Variants in KIF18A observed in about 807,000 individuals in gnomAD.
KIF18A encodes the protein kinesin family member 18A, also known as kinesin-like protein KIF18A.
KIF18A carries 67 observed loss-of-function variants against 103.3 expected under a neutral mutation model. That is an observed-to-expected ratio of 0.65 (90% CI 0.53 to 0.79). The LOEUF (loss-of-function observed/expected upper bound fraction) is 0.79. KIF18A is among the 30% of genes least tolerant of loss of function. KIF18A has a pLI of 0.00. For missense variants in KIF18A, 1,032 were observed against 1,062.5 expected (o/e 0.97, Z 0.40); for synonymous variants, 367 against 355.5 (o/e 1.03, Z -0.36).
chr11:28,099,140 A>G (rs1194745353), intron 1 of KIF18A, among the ~76,000 whole-genome samples: 1 of 152,186 alleles, frequency 6.6e-6, no homozygotes, highest in Non-Finnish European at 1.5e-5. Context: ...GCACTCAATG[A>G]AATACTATTC....
At chr11:28,064,520 G>T (rs1268270754) in intron 11 of KIF18A, among the ~76,000 whole-genome samples, 1 of 151,980 alleles carries the variant, frequency 6.6e-6, no homozygotes. Context: ...ATTGATGGGT[G>T]CAGCAAACCA....
At chr11:28,045,440 A>G (rs1850619080) in intron 13 of KIF18A, among the ~76,000 whole-genome samples, 1 of 151,882 alleles carries the variant, frequency 6.6e-6, no homozygotes, top group African/African-American at 2.4e-5. Flanking sequence ...TTTCCCTAAA[A>G]TTAGTTTTAA....
chr11:28,068,516 T>C (rs1456853910), intron 11 of KIF18A, among the ~76,000 whole-genome samples: 27 of 151,884 alleles, frequency 1.8e-4, no homozygotes, highest in Non-Finnish European at 1.5e-5. Flanking sequence ...GAGTGTCTTC[T>C]ATCTACAGAT....
At chr11:28,101,532 A>G (rs888997676) in intron 1 of KIF18A, among the ~76,000 whole-genome samples, 3 of 152,128 alleles carry the variant, frequency 2.0e-5, no homozygotes, top group Admixed American at 2.0e-4. Context: ...GTGATAGTGG[A>G]TAAGTTACTT....
intron 15 of KIF18A, among the ~76,000 whole-genome samples, chr11:28,030,332 G>T (rs1278176429): frequency 6.6e-6 from 1 of 151,782 alleles, no homozygotes. Context: ...CCAAAACAGA[G>T]ATATAGACCA....
intron 15 of KIF18A, among the ~76,000 whole-genome samples, chr11:28,028,591 T>C (rs1421651398): frequency 6.6e-6 from 1 of 151,782 alleles, no homozygotes; most frequent in African/African-American, 2.4e-5. Flanking sequence ...GATCTAAAAT[T>C]GACACCCTAA....
At chr11:28,023,898 C>A in intron 15 of KIF18A, 48 bp from the exon 16 acceptor site, 1 of 953,648 alleles carries the variant, frequency 1.0e-6, no homozygotes, top group Non-Finnish European at 1.7e-6. Context: ...TTTTATACCT[C>A]AAAGTTCTAA....
At position 28,020,721 on chromosome 11, in the gene KIF18A, A is replaced by C. The variant is rs1352242342; in HGVS notation, c.*479T>G. The C allele has an allele frequency of 6.6e-6, 1 of 152,170 alleles. No homozygotes were observed. Among genetic ancestry groups the C allele is most frequent in the Non-Finnish European group, 1.5e-5 (1 of 68,014 alleles). The allele number at this position is 152,170 out of a possible 1,614,324, so 9.4% of individuals were successfully genotyped here. On this transcript the variant is annotated 3_prime_UTR_variant, in exon 17 of 17. Coordinates refer to ENST00000263181, the MANE Select transcript of KIF18A (RefSeq NM_031217.4). ...AATGATTTTATGGGCACATATATTT[A>C]CACTTGTACATTAAAGTATTTTTGA...
At chr11:28,077,392 GA>G (rs1590699120) in intron 9 of KIF18A, among the ~76,000 whole-genome samples, 1 of 152,250 alleles carries the variant, frequency 6.6e-6, no homozygotes, top group East Asian at 1.9e-4. Flanking sequence ...CTCACCCAAG[GA>G]AGATCATGTT....
At chr11:28,062,155 C>G (rs1443783867) in intron 12 of KIF18A, among the ~76,000 whole-genome samples, 2 of 152,010 alleles carry the variant, frequency 1.3e-5, no homozygotes, top group Non-Finnish European at 2.9e-5. Flanking sequence ...TTTTGTATTA[C>G]ATAGCATATA....
intron 10 of KIF18A, among the ~76,000 whole-genome samples, chr11:28,076,240 T>C (rs1851089703): frequency 6.6e-6 from 1 of 152,138 alleles, no homozygotes; most frequent in African/African-American, 2.4e-5. Context: ...AAATGTTTGG[T>C]CTGCTTTTCA....
At chr11:28,051,408 C>T (rs1850710148) in intron 13 of KIF18A, among the ~76,000 whole-genome samples, 1 of 151,820 alleles carries the variant, frequency 6.6e-6, no homozygotes, top group South Asian at 2.1e-4. Context: ...ACAAAAAACA[C>T]AGTGGCTGTT....
At chr11:28,065,564 C>A (rs1850908401) in intron 11 of KIF18A, among the ~76,000 whole-genome samples, 1 of 151,780 alleles carries the variant, frequency 6.6e-6, no homozygotes, top group South Asian at 2.1e-4. Flanking sequence ...TATTAAAAAT[C>A]CAGACAATAT....
intron 9 of KIF18A, among the ~76,000 whole-genome samples, chr11:28,082,526 A>G (rs1293739869): frequency 6.6e-6 from 1 of 152,190 alleles, no homozygotes; most frequent in Non-Finnish European, 1.5e-5. Flanking sequence ...AAAGCAAGGC[A>G]TTATCTTTTC....
Position 28,022,349 on chromosome 11 carries a change from C to T in KIF18A, c.2615-1067G>A, listed in dbSNP as rs574747542. 4.9e-3 allele frequency among the ~76,000 whole-genome samples: 743 copies of T among 151,928 alleles called. 3 individuals are homozygous for T. The highest frequency in any genetic ancestry group is 8.5e-3 in the Non-Finnish European group (579 of 67,996). The stretch of plus-strand genomic sequence containing the variant: ...GTGCGATCTCGGCTCACTGCAAGCT[C>T]CGCCTCCCAGGTTCACGCCATTCTC... On this transcript the variant is annotated intron_variant, in intron 16 of 16. Transcript: ENST00000263181.
chr11:28,073,930 A>T (rs1347183482), intron 10 of KIF18A, among the ~76,000 whole-genome samples: 2 of 152,218 alleles, frequency 1.3e-5, no homozygotes, highest in Non-Finnish European at 2.9e-5. Flanking sequence ...CCTTTTGTCA[A>T]AAAGTAAATC....
intron 3 of KIF18A, among the ~76,000 whole-genome samples, chr11:28,094,363 CAT>C (rs1481370374): frequency 6.6e-6 from 1 of 151,788 alleles, no homozygotes; most frequent in African/African-American, 2.4e-5. Flanking sequence ...TATACACACA[CAT>C]AGAAAGCAAA....
chr11:28,091,122 CAAAAT>C (rs995327205), intron 4 of KIF18A, among the ~76,000 whole-genome samples: 9 of 127,960 alleles, frequency 7.0e-5, no homozygotes, highest in African/African-American at 2.7e-4. Flanking sequence ...AGCCCGGTCA[CAAAAT>C]AAATAAATAA....
intron 1 of KIF18A, among the ~76,000 whole-genome samples, chr11:28,100,956 A>G (rs1384905): frequency 6.6e-6 from 1 of 152,042 alleles, no homozygotes. Flanking sequence ...AAGAGATAAT[A>G]ATACCTCAAT....
Sources: gnomAD v4.1 joint callset for allele counts (sites outside exome capture counted in the v4.1 genomes callset) on GRCh38, gnomAD v4.1.1 for gene constraint, MANE v1.5 for transcripts, NCBI Gene and HGNC (gene_info 2026-07-23, HGNC 2026-07-21) for gene names.